BROX: variants seen among roughly 807,000 people sequenced by gnomAD.
BROX encodes BRO1 domain and CAAX motif containing.
BROX carries 53 observed loss-of-function variants against 61.0 expected under a neutral mutation model. That is an observed-to-expected ratio of 0.87 (90% CI 0.70 to 1.09). The LOEUF is 1.09. Among genes scored for constraint, BROX ranks in the 50% least tolerant of loss-of-function variants. BROX has a pLI of 0.00. For synonymous variants in BROX, 152 were observed against 160.2 expected (o/e 0.95, Z 0.38); for missense variants, 489 against 472.0 (o/e 1.04, Z -0.33).
intron 4 of BROX, among the ~76,000 whole-genome samples, chr1:222,721,998 C>T (rs940791071): frequency 6.6e-6 from 1 of 152,110 alleles, no homozygotes; most frequent in African/African-American, 2.4e-5. Context: ...TTATTCTAGC[C>T]TGAAACAATC....
rs980177074 is a variant in BROX at position 222,724,817 on chromosome 1, C to T, written c.475-633C>T. Among the ~76,000 whole-genome samples, 14 of 152,034 alleles carry T rather than the reference C, an allele frequency of 9.2e-5. No homozygotes were observed. In the East Asian group the frequency reaches 2.5e-3, roughly 27 times the overall value. ...GTAGTGGGGTTTTTTTTCTTTGAGA[C>T]AGAGTCTTGCACTGTCGCCCGGGCT... On this transcript the variant is annotated intron_variant, in intron 6 of 12. Coordinates refer to ENST00000340934, the MANE Select transcript of BROX (RefSeq NM_144695.4).
intron 5 of BROX, among the ~76,000 whole-genome samples, chr1:222,723,847 T>C (rs986994950): frequency 6.6e-6 from 1 of 152,134 alleles, no homozygotes; most frequent in Non-Finnish European, 1.5e-5. Flanking sequence ...CCCAGCTAAT[T>C]AGGGTTTTGC....
Position 222,730,432 on chromosome 1 carries a change from C to T in BROX, c.989+255C>T, listed in dbSNP as rs114110992. 9.9e-3 allele frequency among the ~76,000 whole-genome samples: 1,503 copies of T among 151,954 alleles called. 26 individuals are homozygous for T. The highest frequency in any genetic ancestry group is 0.034 in the African/African-American group (1,416 of 41,426). ...GCAACATGGCAAAAACCTGTCTCTA[C>T]AGAAAATACAAATAAATTAGCTGGG... is the stretch of plus-strand genomic sequence containing the variant. On this transcript the variant is annotated intron_variant, in intron 11 of 12. Coordinates refer to ENST00000340934, the MANE Select transcript of BROX (RefSeq NM_144695.4).
intron 1 of BROX, among the ~76,000 whole-genome samples, chr1:222,714,569 GT>G (rs202187300): frequency 6.9e-6 from 1 of 144,976 alleles, no homozygotes; most frequent in East Asian, 2.0e-4. Context: ...GGTGTTCCAA[GT>G]TTTTGTTTTT....
In BROX at chr1:222,728,842, A is replaced by G. The variant is rs1344348722; in HGVS notation, c.756+14A>G. ...TACACAGCTTATGTAAGTATTCACA[A>G]CGCTAAAAACAATGTAAATTATTGT... On this transcript the variant is annotated intron_variant, in intron 9 of 12. Transcript: ENST00000340934. 2.0e-6 allele frequency: 3 copies of G among 1,538,090 alleles called. No homozygotes were observed. The highest frequency in any genetic ancestry group is 2.3e-5 in the East Asian group (1 of 44,040).
chr1:222,734,365 T>C lies in BROX; in HGVS notation c.*1651T>C, dbSNP rs1658152202. ...TGCATAAAGTGTTGAAATAGGAATATACATTTCATTATGAAAAATGAATAG... is the reference window on the plus strand; with the variant it reads ...TGCATAAAGTGTTGAAATAGGAATACACATTTCATTATGAAAAATGAATAG... On this transcript the variant is annotated 3_prime_UTR_variant, in exon 13 of 13. Coordinates refer to ENST00000340934, the MANE Select transcript of BROX (RefSeq NM_144695.4). 1 of 152,182 alleles carries C rather than the reference T, an allele frequency of 6.6e-6. No homozygotes were observed. The highest frequency in any genetic ancestry group is 1.5e-5 in the Non-Finnish European group (1 of 68,012). The allele number at this position is 152,182 out of a possible 1,614,324, so 9.4% of individuals were successfully genotyped here. A position where few individuals can be genotyped will look rare whatever the true frequency, so the allele number is the denominator to read the frequency against.
At chr1:222,726,607 C>T (rs1483729910) in intron 7 of BROX, among the ~76,000 whole-genome samples, 3 of 152,054 alleles carry the variant, frequency 2.0e-5, no homozygotes, top group African/African-American at 4.8e-5. Flanking sequence ...ATCCCAGCTA[C>T]TCAGGAGGCT....
chr1:222,719,170 A>G, intron 3 of BROX, 93 bp from the exon 4 acceptor site: 1 of 1,258,360 alleles, frequency 7.9e-7, no homozygotes, highest in South Asian at 1.3e-5. Flanking sequence ...TCATTCAGAC[A>G]CCTGGAAAAG....
Position 222,734,960 on chromosome 1 carries a change from C to T in BROX, c.*2246C>T, listed in dbSNP as rs1014456845. On this transcript the variant is annotated 3_prime_UTR_variant, in exon 13 of 13. Coordinates refer to ENST00000340934, the MANE Select transcript of BROX (RefSeq NM_144695.4). ...TTTTGTTGACTCAGCAAAGGTGACA[C>T]TTTGTGACTAAAGTATCCCATTATA... is the stretch of plus-strand genomic sequence containing the variant. 2.0e-5 allele frequency: 3 copies of T among 152,112 alleles called. No homozygotes were observed. The East Asian group carries it at 5.8e-4, about 29-fold the overall frequency. 9.4% of individuals were successfully genotyped at this position (152,112 alleles called of 1,614,324 possible). A position where few individuals can be genotyped will look rare whatever the true frequency, so the allele number is the denominator to read the frequency against.
At chr1:222,713,543 C>T (rs1446202179) in intron 1 of BROX, 17 of 682,328 alleles carry the variant, frequency 2.5e-5, no homozygotes, top group East Asian at 1.3e-4. Flanking sequence ...CTAAAGGCAC[C>T]CTTGTCCCTG....
chr1:222,729,712 C>A lies in BROX; in HGVS notation c.838+11C>A. 1 of 1,603,186 alleles carries A rather than the reference C, an allele frequency of 6.2e-7. No homozygotes were observed. The highest frequency in any genetic ancestry group is 8.5e-7 in the Non-Finnish European group (1 of 1,171,728). On this transcript the variant is annotated intron_variant, in intron 10 of 12. Transcript: ENST00000340934. ...AAGAAGCAGAAAAATGTAAGTTTTC[C>A]TGCCAGAATATTAACTCCCCTTTAA...
rs1008601344 is a variant in BROX at position 222,733,409 on chromosome 1, A to T, written c.*695A>T. On this transcript the variant is annotated 3_prime_UTR_variant, in exon 13 of 13. Coordinates refer to ENST00000340934, the MANE Select transcript of BROX (RefSeq NM_144695.4). Reference sequence around the variant, plus strand: ...GGTATGTTTTTCTATCTACACACAAAAAGTTTATTTTCCTTCCTCTTATTT... The same window carrying T: ...GGTATGTTTTTCTATCTACACACAATAAGTTTATTTTCCTTCCTCTTATTT... 1.3e-5 allele frequency: 2 copies of T among 152,124 alleles called. No homozygotes were observed. Among genetic ancestry groups the T allele is most frequent in the Admixed American group, 1.3e-4 (2 of 15,268 alleles). The allele number at this position is 152,124 out of a possible 1,614,324, so 9.4% of individuals were successfully genotyped here. A position where few individuals can be genotyped will look rare whatever the true frequency, so the allele number is the denominator to read the frequency against.
chr1:222,728,733 G>A lies in BROX; in HGVS notation c.671-10G>A. ...GAAATTATATTTTGCTTTTTAAAAT[G>A]TAACTTTAGATCATACTTTATCCAG... is the stretch of plus-strand genomic sequence containing the variant. On this transcript the variant is annotated splice_polypyrimidine_tract_variant and intron_variant, in intron 8 of 12. Transcript: ENST00000340934. 6.5e-7 allele frequency: 1 copy of A among 1,549,246 alleles called. No individual in the cohort carries two copies. Among genetic ancestry groups the A allele is most frequent in the Non-Finnish European group, 8.8e-7 (1 of 1,131,402 alleles).
intron 12 of BROX, 35 bp downstream of exon 12, chr1:222,731,551 C>A: frequency 1.3e-6 from 2 of 1,561,186 alleles, no homozygotes; most frequent in Admixed American, 2.3e-5. Context: ...CTCTCATTCA[C>A]AAAAGTTTAA....
chr1:222,725,150 G>A (rs934892492), intron 6 of BROX, among the ~76,000 whole-genome samples: 1 of 151,986 alleles, frequency 6.6e-6, no homozygotes, highest in African/African-American at 2.4e-5. Flanking sequence ...AAGGAATTTT[G>A]GTTACTATTT....
chr1:222,731,600 AATAG>A, intron 12 of BROX, 84 bp downstream of exon 12: 1 of 1,371,342 alleles, frequency 7.3e-7, no homozygotes, highest in South Asian at 1.3e-5. Context: ...TTTTTCTCTA[AATAG>A]ATACATATCT....
Position 222,712,780 on chromosome 1 carries a change from A to G in BROX, c.-179A>G. 7.8e-7 allele frequency: 1 copy of G among 1,289,336 alleles called. No homozygotes were observed. Among genetic ancestry groups the G allele is most frequent in the Non-Finnish European group, 1.0e-6 (1 of 988,852 alleles). The allele number at this position is 1,289,336 out of a possible 1,614,324, so 79.9% of individuals were successfully genotyped here. ...GCGCACTACCGCCTCGGTAGCTATC[A>G]TGGCCGCCGGGTCACGTGACTCCGG... On this transcript the variant is annotated 5_prime_UTR_variant, in exon 1 of 13. An upstream start codon of the reference 5' UTR is lost. Coordinates refer to ENST00000340934, the MANE Select transcript of BROX (RefSeq NM_144695.4).
chr1:222,728,611 A>T, intron 8 of BROX, 132 bp from the exon 9 acceptor site: 1 of 510,714 alleles, frequency 2.0e-6, no homozygotes, highest in Admixed American at 3.2e-5. Context: ...GGTGTTTTTA[A>T]AAAAAAATTA....
At chr1:222,720,808 A>G (rs759358515) in intron 4 of BROX, among the ~76,000 whole-genome samples, 5 of 152,190 alleles carry the variant, frequency 3.3e-5, no homozygotes, top group Non-Finnish European at 5.9e-5. Context: ...CCGAGAGTCC[A>G]TCTCAAAAAA....
Sources: gnomAD v4.1 joint callset for allele counts (sites outside exome capture counted in the v4.1 genomes callset) on GRCh38, gnomAD v4.1.1 for gene constraint, MANE v1.5 for transcripts, NCBI Gene and HGNC (gene_info 2026-07-23, HGNC 2026-07-21) for gene names.